The following MAP3K5 variants were observed in gnomAD, a reference collection of about 807,000 sequenced individuals.
The protein encoded by MAP3K5 is ASK-1.
Under a neutral mutation model 158.7 loss-of-function variants are expected in MAP3K5, and 56 were observed. The ratio of observed to expected loss-of-function variants is 0.35; its 90% CI spans 0.28 to 0.44. The LOEUF (loss-of-function observed/expected upper bound fraction) is 0.44, where lower values mean the gene tolerates loss of function less well. MAP3K5 is among the 20% of genes least tolerant of loss of function. The pLI is 1.00. For missense variants in MAP3K5, 1,294 were observed against 1,674.8 expected (o/e 0.77, Z 3.97); for synonymous variants, 579 against 601.7 (o/e 0.96, Z 0.55).
At chr6:136,566,709 G>A (rs1243647580) in intron 26 of MAP3K5, among the ~76,000 whole-genome samples, 2 of 152,154 alleles carry the variant, frequency 1.3e-5, no homozygotes, top group African/African-American at 4.8e-5. Flanking sequence ...TAGAAGATGT[G>A]TCTATATGGA....
At chr6:136,777,351 G>A (rs1562698220) in intron 1 of MAP3K5, among the ~76,000 whole-genome samples, 2 of 152,176 alleles carry the variant, frequency 1.3e-5, no homozygotes, top group Non-Finnish European at 2.9e-5. Flanking sequence ...AAACTGACCA[G>A]GAGGTGTTTT....
At chr6:136,767,376 G>C (rs1274562507) in intron 1 of MAP3K5, among the ~76,000 whole-genome samples, 1 of 151,278 alleles carries the variant, frequency 6.6e-6, no homozygotes, top group African/African-American at 2.4e-5. Flanking sequence ...AGGAGGGAGG[G>C]GACTAAAGGA....
At chr6:136,605,067 G>A in intron 19 of MAP3K5, 142 bp downstream of exon 19, 1 of 764,634 alleles carries the variant, frequency 1.3e-6, no homozygotes, top group Non-Finnish European at 2.1e-6. Flanking sequence ...CTAACCGAGA[G>A]AGAATCTTCT....
intron 1 of MAP3K5, among the ~76,000 whole-genome samples, chr6:136,753,038 C>T (rs952574496): frequency 9.2e-5 from 14 of 152,158 alleles, no homozygotes; most frequent in East Asian, 7.7e-4. Context: ...TAGCTCTAGC[C>T]TACCTCTGTG....
chr6:136,652,024 T>C (rs1418080029), intron 10 of MAP3K5, among the ~76,000 whole-genome samples: 1 of 152,156 alleles, frequency 6.6e-6, no homozygotes, highest in Non-Finnish European at 1.5e-5. Flanking sequence ...CATTCTACTC[T>C]ACTGCTTAAC....
At chr6:136,705,754 G>A (rs1781047936) in intron 2 of MAP3K5, among the ~76,000 whole-genome samples, 1 of 152,134 alleles carries the variant, frequency 6.6e-6, no homozygotes, top group African/African-American at 2.4e-5. Context: ...CAGATTACCT[G>A]ATCAGCCACC....
intron 2 of MAP3K5, among the ~76,000 whole-genome samples, chr6:136,707,582 G>A (rs1217989306): frequency 6.6e-6 from 1 of 152,068 alleles, no homozygotes; most frequent in Non-Finnish European, 1.5e-5. Context: ...CCCCTTGAAC[G>A]TAGTCATTTG....
Position 136,601,882 on chromosome 6 carries a change from C to G in MAP3K5, c.2777G>C (p.Arg926Thr). The G allele has an allele frequency of 6.2e-7, 1 of 1,614,176 alleles. No individual in the cohort carries two copies. The highest frequency in any genetic ancestry group is 8.5e-7 in the Non-Finnish European group (1 of 1,179,996). The change falls in exon 20 of 30, where the codon AGA (arginine) becomes ACA (threonine). Residue 926 changes from arginine to threonine, a missense_variant. This residue lies in a region of MAP3K5 where 362 missense variants were observed against 463.2 expected (regional missense o/e 0.78). Coordinates refer to ENST00000359015, the MANE Select transcript of MAP3K5 (RefSeq NM_005923.4). ...LKCFEPDPDK[R>T]ACANDLLVDE... ...AACAAGCAAGTCGTTAGCACAGGCT[C>G]TCTTGTCAGGATCTGGTTCAAAACA...
At chr6:136,747,483 AACAG>A (rs1475291128) in intron 1 of MAP3K5, among the ~76,000 whole-genome samples, 3 of 152,216 alleles carry the variant, frequency 2.0e-5, no homozygotes, top group Non-Finnish European at 4.4e-5. Context: ...AAAAGGAACC[AACAG>A]AACCGAAAAC....
At chr6:136,561,180 G>A (rs1460993900) in intron 28 of MAP3K5, among the ~76,000 whole-genome samples, 1 of 151,924 alleles carries the variant, frequency 6.6e-6, no homozygotes, top group East Asian at 1.9e-4. Flanking sequence ...TTCTTCCCTG[G>A]TCTCCCTCCC....
At chr6:136,576,744 C>T (rs556558661) in intron 25 of MAP3K5, among the ~76,000 whole-genome samples, 25 of 152,136 alleles carry the variant, frequency 1.6e-4, no homozygotes, top group South Asian at 4.1e-4. Context: ...AGGAAATGAA[C>T]GTACAATCAT....
intron 19 of MAP3K5, among the ~76,000 whole-genome samples, chr6:136,604,746 A>C (rs2129087172): frequency 7.0e-6 from 1 of 142,984 alleles, no homozygotes. Context: ...AGACTGATTT[A>C]CTTAAAATGG....
chr6:136,628,588 A>C (rs983020443), intron 14 of MAP3K5, among the ~76,000 whole-genome samples: 38 of 152,186 alleles, frequency 2.5e-4, no homozygotes, highest in African/African-American at 8.9e-4. Context: ...TGAGGCTGCT[A>C]AAGTTTTAAT....
intron 23 of MAP3K5, among the ~76,000 whole-genome samples, chr6:136,584,860 G>A (rs564854643): frequency 2.9e-4 from 44 of 152,240 alleles, no homozygotes; most frequent in African/African-American, 1.0e-3. Flanking sequence ...AATTCCTTAA[G>A]AGTCTACTTC....
At chr6:136,786,623 A>G (rs1009733934) in intron 1 of MAP3K5, among the ~76,000 whole-genome samples, 1 of 152,166 alleles carries the variant, frequency 6.6e-6, no homozygotes, top group Non-Finnish European at 1.5e-5. Flanking sequence ...CCTCAGAAAG[A>G]AAATGAAAAA....
chr6:136,605,441 A>G, intron 18 of MAP3K5, 75 bp from the exon 19 acceptor site: 1 of 1,283,930 alleles, frequency 7.8e-7, no homozygotes, highest in African/African-American at 1.5e-5. Flanking sequence ...TTTTCAACAG[A>G]ATTTTTCAAC....
chr6:136,703,381 C>T (rs1780935560), intron 3 of MAP3K5, among the ~76,000 whole-genome samples: 1 of 152,138 alleles, frequency 6.6e-6, no homozygotes, highest in Admixed American at 6.5e-5. Context: ...TAATGGCTAC[C>T]CTCTTTTTAG....
At chr6:136,790,269 T>A (rs1364726993) in intron 1 of MAP3K5, among the ~76,000 whole-genome samples, 2 of 152,030 alleles carry the variant, frequency 1.3e-5, no homozygotes, top group African/African-American at 4.8e-5. Context: ...GAGTTTAACA[T>A]TTTTTTTCTA....
At chr6:136,634,786 C>T (rs142735726) in intron 14 of MAP3K5, among the ~76,000 whole-genome samples, 64 of 151,938 alleles carry the variant, frequency 4.2e-4, no homozygotes, top group African/African-American at 1.3e-3. Context: ...AGGCTGGTTT[C>T]GAACTCCTGG....
Sources: gnomAD v4.1 joint callset for allele counts (sites outside exome capture counted in the v4.1 genomes callset) on GRCh38, gnomAD v4.1.1 for gene constraint, gnomAD v4.1.1 regional missense constraint, MANE v1.5 for transcripts, NCBI Gene and HGNC (gene_info 2026-07-23, HGNC 2026-07-21) for gene names.